Variants in DLG1 observed in about 807,000 individuals in gnomAD.
DLG1 encodes disks large homolog 1.
A neutral mutation model predicts 123.4 loss-of-function variants in DLG1; 42 were observed. The ratio of observed to expected loss-of-function variants is 0.34; its 90% CI spans 0.27 to 0.44. The LOEUF (loss-of-function observed/expected upper bound fraction) is 0.44. Among genes scored for constraint, DLG1 ranks in the 20% least tolerant of loss-of-function variants. The probability of loss-of-function intolerance (pLI) is 1.00; values close to 1 mark genes in which losing one functional copy is unlikely to be tolerated. For synonymous variants in DLG1, 317 were observed against 356.2 expected, an observed-to-expected ratio of 0.89 and a Z score of 1.24; for missense variants, 942 against 1,082.6, an observed-to-expected ratio of 0.87 and a Z score of 1.82.
At chr3:197,141,770 T>TAG in intron 7 of DLG1, among the ~76,000 whole-genome samples, 1 of 152,266 alleles carries the variant, frequency 6.6e-6, no homozygotes, top group Non-Finnish European at 1.5e-5. Flanking sequence ...TCACCCAGGC[T>TAG]AGAGTGCGAT....
chr3:197,294,515 G>T (rs536284952), intron 3 of DLG1, among the ~76,000 whole-genome samples: 2 of 152,078 alleles, frequency 1.3e-5, no homozygotes, highest in African/African-American at 2.4e-5. Flanking sequence ...AAAATTAGCC[G>T]GACGTGGTGG....
At chr3:197,155,573 A>C (rs919811363) in intron 5 of DLG1, among the ~76,000 whole-genome samples, 1 of 152,114 alleles carries the variant, frequency 6.6e-6, no homozygotes, top group Non-Finnish European at 1.5e-5. Context: ...GGTTATGTAA[A>C]TCTGCTTTTG....
chr3:197,247,901 T>C (rs1189935261), intron 4 of DLG1, among the ~76,000 whole-genome samples: 1 of 152,112 alleles, frequency 6.6e-6, no homozygotes, highest in Non-Finnish European at 1.5e-5. Flanking sequence ...GGAGGTCCCT[T>C]GCACTCTTCT....
At chr3:197,111,614 C>T (rs1380418588) in intron 13 of DLG1, among the ~76,000 whole-genome samples, 9 of 152,038 alleles carry the variant, frequency 5.9e-5, no homozygotes, top group Admixed American at 5.9e-4. Flanking sequence ...TTTTGCTAAC[C>T]ATAAAAATCA....
chr3:197,150,891 G>A (rs185471325), intron 5 of DLG1, among the ~76,000 whole-genome samples: 2 of 152,094 alleles, frequency 1.3e-5, no homozygotes, highest in East Asian at 1.9e-4. Context: ...GCTACATCAA[G>A]CAGTAAGTTA....
intron 11 of DLG1, 38 bp from the exon 12 acceptor site, chr3:197,119,568 A>G (rs755290834): frequency 6.4e-7 from 1 of 1,561,710 alleles, no homozygotes; most frequent in South Asian, 1.1e-5. Context: ...TTCAAACACG[A>G]AACAAGCCAA....
intron 4 of DLG1, among the ~76,000 whole-genome samples, chr3:197,203,773 CCT>C (rs1454121701): frequency 6.6e-6 from 1 of 152,156 alleles, no homozygotes; most frequent in Non-Finnish European, 1.5e-5. Flanking sequence ...AAATAAATGG[CCT>C]CTGTCAGGGA....
intron 4 of DLG1, among the ~76,000 whole-genome samples, chr3:197,245,621 CCT>C (rs1467018571): frequency 1.3e-5 from 2 of 152,138 alleles, no homozygotes; most frequent in African/African-American, 4.8e-5. Flanking sequence ...TGAGACAAAA[CCT>C]CCCTCATGAG....
At chr3:197,235,869 A>C (rs751849601) in intron 4 of DLG1, among the ~76,000 whole-genome samples, 5 of 152,210 alleles carry the variant, frequency 3.3e-5, no homozygotes, top group Non-Finnish European at 7.3e-5. Context: ...AACACTCATA[A>C]AACTTAAGTA....
chr3:197,270,188 G>T (rs1763340042), intron 4 of DLG1, among the ~76,000 whole-genome samples: 1 of 152,174 alleles, frequency 6.6e-6, no homozygotes, highest in Non-Finnish European at 1.5e-5. Flanking sequence ...TGGGAAAATT[G>T]TTGGAAGGCA....
rs1786161488 is a variant in DLG1 at position 197,138,385 on chromosome 3, A to C, written c.720T>G (p.Asn240Lys). The C allele has an allele frequency of 7.3e-7, 1 of 1,371,734 alleles. No homozygotes were observed. The highest frequency in any genetic ancestry group is 9.5e-7 in the Non-Finnish European group (1 of 1,050,970). The allele number at this position is 1,371,734 out of a possible 1,614,324, so 85.0% of individuals were successfully genotyped here. A position where few individuals can be genotyped will look rare whatever the true frequency, so the allele number is the denominator to read the frequency against. The change falls in exon 9 of 25, where the codon AAT (asparagine) becomes AAG (lysine). Residue 240 changes from asparagine to lysine, a missense_variant. Asn to Lys is a moderately conservative substitution (Grantham distance 94, BLOSUM62 0). Coordinates refer to ENST00000667157, the MANE Select transcript of DLG1 (RefSeq NM_001366207.1). ...AAAQDGRLRV[N>K]DCILRVNEVD... The stretch of plus-strand genomic sequence containing the variant: ...CTTCATTTACTCGTAATATACAGTC[A>C]TTGACCCTGAGAAAACAATTAAATA...
intron 4 of DLG1, among the ~76,000 whole-genome samples, chr3:197,237,309 C>G (rs984310897): frequency 5.3e-5 from 8 of 152,106 alleles, no homozygotes; most frequent in African/African-American, 1.9e-4. Context: ...CCTGAGTTTT[C>G]TTTTTTACCT....
intron 17 of DLG1, among the ~76,000 whole-genome samples, chr3:197,077,746 C>T (rs190964605): frequency 1.3e-3 from 195 of 152,214 alleles, no homozygotes; most frequent in African/African-American, 4.6e-3. Context: ...AGCACAAGAA[C>T]GATGAGGCTA....
chr3:197,068,802 C>A (rs1004746437), intron 19 of DLG1, among the ~76,000 whole-genome samples: 18 of 151,952 alleles, frequency 1.2e-4, no homozygotes, highest in Non-Finnish European at 2.9e-5. Flanking sequence ...AATGACATGA[C>A]CCAGATCAGT....
At chr3:197,075,895 C>G in intron 18 of DLG1, 1 of 1,605,420 alleles carries the variant, frequency 6.2e-7, no homozygotes. Flanking sequence ...CCCCAGAGAG[C>G]AAGCAATAAA....
intron 17 of DLG1, among the ~76,000 whole-genome samples, chr3:197,077,344 A>G (rs1016625983): frequency 1.3e-5 from 2 of 152,198 alleles, no homozygotes; most frequent in East Asian, 3.8e-4. Context: ...TCAAGCACAC[A>G]GAGTCCAGCA....
At chr3:197,292,508 A>T (rs576772424) in intron 3 of DLG1, among the ~76,000 whole-genome samples, 5 of 152,226 alleles carry the variant, frequency 3.3e-5, no homozygotes, top group Non-Finnish European at 7.3e-5. Flanking sequence ...TTGCAAGACG[A>T]AAGTGTTCTG....
At chr3:197,217,116 T>C (rs966223131) in intron 4 of DLG1, among the ~76,000 whole-genome samples, 1 of 152,226 alleles carries the variant, frequency 6.6e-6, no homozygotes, top group African/African-American at 2.4e-5. Flanking sequence ...CATGCAATTT[T>C]TTGTGACAAG....
In DLG1 at chr3:197,199,184, A is replaced by C. The variant is rs190522393; in HGVS notation, c.319-4595T>G. On this transcript the variant is annotated intron_variant, in intron 4 of 24. Transcript: ENST00000667157. ...TCTCTAGCCAATGGGAATCTCTTAA[A>C]GTTTCTGAGTTCCCTTATACTTGTA... Among the ~76,000 whole-genome samples the C allele has an allele frequency of 2.4e-3, 362 of 152,318 alleles. 3 individuals are homozygous for C. Among genetic ancestry groups the C allele is most frequent in the Non-Finnish European group, 2.7e-3 (186 of 68,004 alleles).
Sources: gnomAD v4.1 joint callset for allele counts (sites outside exome capture counted in the v4.1 genomes callset) on GRCh38, gnomAD v4.1.1 for gene constraint, MANE v1.5 for transcripts, NCBI Gene and HGNC (gene_info 2026-07-23, HGNC 2026-07-21) for gene names.